Variants in MED1 observed in about 807,000 individuals in gnomAD.
MED1 encodes mediator of RNA polymerase II transcription subunit 1.
In MED1, 17 loss-of-function variants were observed where a neutral mutation model predicts 121.3. The observed-to-expected ratio is 0.14, with a 90% confidence interval of 0.10 to 0.21. The LOEUF (loss-of-function observed/expected upper bound fraction) is 0.21. Among genes scored for constraint, MED1 ranks in the 10% least tolerant of loss-of-function variants. The pLI is 1.00. For missense variants in MED1, 1,558 were observed against 1,919.4 expected (o/e 0.81, Z 3.52); for synonymous variants, 661 against 694.4 (o/e 0.95, Z 0.76).
At chr17:39,429,024 T>TA (rs965157171) in intron 9 of MED1, among the ~76,000 whole-genome samples, 54 of 141,508 alleles carry the variant, frequency 3.8e-4, no homozygotes, top group Middle Eastern at 3.6e-3. Flanking sequence ...ACAATTGATT[T>TA]AAAAAAAAAA....
At chr17:39,446,984 A>G (rs1212124404) in intron 2 of MED1, among the ~76,000 whole-genome samples, 1 of 152,138 alleles carries the variant, frequency 6.6e-6, no homozygotes, top group Non-Finnish European at 1.5e-5. Context: ...GGGCATACCT[A>G]ATCTGAAAAT....
At position 39,407,923 on chromosome 17, in the gene MED1, G is replaced by A; in HGVS notation, c.4298C>T (p.Ser1433Phe). ...PQMASSKNYG[S>F]PLISGSTPKH... The stretch of plus-strand genomic sequence containing the variant: ...TGGAGTGGAACCACTGATGAGTGGA[G>A]AGCCATAGTTTTTAGAAGAAGCCAT... The change falls in exon 17 of 17, where the codon TCT becomes TTT. Residue 1433 changes from serine to phenylalanine, a missense_variant. Ser to Phe is a radical substitution (Grantham distance 155). This residue lies in a region of MED1 where 264 missense variants were observed against 326.1 expected (regional missense o/e 0.81). Coordinates refer to ENST00000300651, the MANE Select transcript of MED1 (RefSeq NM_004774.4). 6.2e-7 allele frequency: 1 copy of A among 1,614,132 alleles called. No individual in the cohort carries two copies. Among genetic ancestry groups the A allele is most frequent in the Non-Finnish European group, 8.5e-7 (1 of 1,180,042 alleles).
intron 2 of MED1, among the ~76,000 whole-genome samples, chr17:39,446,392 G>A (rs905895938): frequency 3.9e-4 from 56 of 144,798 alleles, no homozygotes; most frequent in African/African-American, 1.4e-3. Flanking sequence ...AAAGCTTGCA[G>A]TGAGCCGAGA....
intron 14 of MED1, among the ~76,000 whole-genome samples, chr17:39,416,893 C>T (rs4795359): frequency 0.63 from 95,598 of 152,016 alleles, 32,808 homozygotes; most frequent in South Asian, 0.89. Flanking sequence ...TAAAATTTGA[C>T]TAGATGTAGA....
At chr17:39,445,421 A>C (rs2048717023) in intron 2 of MED1, 1 of 152,102 alleles carries the variant, frequency 6.6e-6, no homozygotes, top group Non-Finnish European at 1.5e-5. Flanking sequence ...CTTGTTGGTC[A>C]GCCTGGTCTC....
chr17:39,410,779 A>C (rs184389001), intron 16 of MED1, 58 bp from the exon 17 acceptor site: 1 of 1,529,464 alleles, frequency 6.5e-7, no homozygotes, highest in Admixed American at 2.1e-5. Flanking sequence ...ATGAGACCTG[A>C]GATTTAGATA....
Position 39,408,564 on chromosome 17 carries a change from A to G in MED1, c.3657T>C (p.Ser1219=), listed in dbSNP as rs1351828594. 6.2e-7 allele frequency: 1 copy of G among 1,614,226 alleles called. No individual in the cohort carries two copies. Among genetic ancestry groups the G allele is most frequent in the South Asian group, 1.1e-5 (1 of 91,086 alleles). ...CTGAACTGATAGGGGACTTGGCTTT[A>G]GAGGATGGAGGAGTTCCAGGAACAG... The part of the protein sequence containing the change: ...MKPVPGTPPS[S]KAKSPISSGS... The change falls in exon 17 of 17, where the codon TCT becomes TCC. Residue 1219 remains serine, a synonymous_variant. Transcript: ENST00000300651. This position sits in a 1 kb window ranked among gnomAD's most constrained non-coding sequence, Gnocchi z 4.7.
chr17:39,437,432 C>T (rs1405769265), intron 6 of MED1, among the ~76,000 whole-genome samples: 1 of 152,010 alleles, frequency 6.6e-6, no homozygotes, highest in Admixed American at 6.6e-5. Context: ...GATTTTGTGC[C>T]CCAGGGGACA....
At chr17:39,432,569 G>GA (rs1009387717) in intron 7 of MED1, among the ~76,000 whole-genome samples, 5 of 148,572 alleles carry the variant, frequency 3.4e-5, no homozygotes, top group South Asian at 4.3e-4. Flanking sequence ...GCAACACGGT[G>GA]AAACCCCGTC....
rs2048316694 is a variant in MED1, at chr17:39,407,762, G to A, written c.4459C>T (p.Arg1487Ter). Residue 1487 changes from arginine to a stop codon, truncating the protein, a stop_gained, in exon 17 of 17, where the codon CGA becomes TGA. Coordinates refer to ENST00000300651, the MANE Select transcript of MED1 (RefSeq NM_004774.4). LOFTEE classifies it high-confidence loss of function. ...QNSPSSDDGI[R>*]PLPEYSTEKH... ...TCTGTGCTGTATTCTGGAAGTGGTC[G>A]GATACCATCGTCTGAGCTGGGACTA... The A allele has an allele frequency of 6.2e-7, 1 of 1,613,930 alleles. No individual in the cohort carries two copies. The highest frequency in any genetic ancestry group is 8.5e-7 in the Non-Finnish European group (1 of 1,179,986).
intron 10 of MED1, among the ~76,000 whole-genome samples, chr17:39,424,952 T>C (rs2144740896): frequency 6.6e-6 from 1 of 152,254 alleles, no homozygotes; most frequent in South Asian, 2.1e-4. Flanking sequence ...CAATCTCAGC[T>C]CACTGCAAGC....
chr17:39,425,169 G>A (rs138641382), intron 10 of MED1, among the ~76,000 whole-genome samples: 1,751 of 152,166 alleles, frequency 0.012, 10 homozygotes, highest in Non-Finnish European at 0.018. Flanking sequence ...GGGATTACAG[G>A]TGTGAATCAC....
At chr17:39,417,550 A>C (rs994240623) in intron 14 of MED1, among the ~76,000 whole-genome samples, 3 of 151,938 alleles carry the variant, frequency 2.0e-5, no homozygotes, top group African/African-American at 4.8e-5. Flanking sequence ...AATGACGTGA[A>C]CTCAGGAGGC....
chr17:39,407,625 ACT>A lies in MED1; in HGVS notation c.4594_4595del (p.Ser1532LeufsTer17). 1 of 1,611,388 alleles carries A rather than the reference ACT, an allele frequency of 6.2e-7. No homozygotes were observed. Among genetic ancestry groups the A allele is most frequent in the Non-Finnish European group, 8.5e-7 (1 of 1,179,072 alleles). ...CTGAAGAGATGGGTGATTTGGACCA[ACT>A]CTCTGGCTTGATGCTATGAGATTTT... is the stretch of plus-strand genomic sequence containing the variant. ...KKKSHSIKPESWSKSPISSDQ... is the reference protein window; with the variant it reads ...KKKSHSIKPEXWSKSPISSDQ... On this transcript the variant is annotated frameshift_variant, in exon 17 of 17. Coordinates refer to ENST00000300651, the MANE Select transcript of MED1 (RefSeq NM_004774.4). LOFTEE classifies it high-confidence loss of function.
chr17:39,416,498 A>T (rs1175172043), intron 14 of MED1, among the ~76,000 whole-genome samples: 1 of 152,200 alleles, frequency 6.6e-6, no homozygotes, highest in African/African-American at 2.4e-5. Context: ...TGTAAAAAGC[A>T]TGCCTCTCTA....
intron 7 of MED1, among the ~76,000 whole-genome samples, chr17:39,432,865 G>A (rs975559027): frequency 4.6e-5 from 7 of 152,076 alleles, no homozygotes; most frequent in African/African-American, 1.7e-4. Context: ...AGGAGTTTGA[G>A]ACCAGCCTGA....
chr17:39,439,019 C>T (rs998486085), intron 6 of MED1, 146 bp downstream of exon 6: 37 of 679,468 alleles, frequency 5.4e-5, no homozygotes, highest in Non-Finnish European at 7.4e-5. Context: ...CAATTCAGGA[C>T]GTGATTAAGT....
rs1194899487 is a variant in MED1, at chr17:39,428,245, G to A, written c.650-455C>T. 2.0e-5 allele frequency among the ~76,000 whole-genome samples: 3 copies of A among 152,236 alleles called. No individual in the cohort carries two copies. The East Asian group carries it at 5.8e-4, about 29-fold the overall frequency. ...CATGCCTGTAATCCCACAACTTTGG[G>A]AGGCCAAGGCAGGCGGATCACAAGG... On this transcript the variant is annotated intron_variant, in intron 9 of 16. Coordinates refer to ENST00000300651, the MANE Select transcript of MED1 (RefSeq NM_004774.4).
In MED1 at chr17:39,406,018, A is replaced by G. The variant is rs1185290915; in HGVS notation, c.*1457T>C. 1.0e-6 allele frequency: 1 copy of G among 985,370 alleles called. No homozygotes were observed. Among genetic ancestry groups the G allele is most frequent in the Non-Finnish European group, 1.2e-6 (1 of 829,928 alleles). 61.0% of individuals were successfully genotyped at this position (985,370 alleles called of 1,614,324 possible). On this transcript the variant is annotated 3_prime_UTR_variant, in exon 17 of 17. Transcript: ENST00000300651. ...ATGGCACAGTGCAGGTGTCAATATC[A>G]AAGTAAGGCCGCAGAATTTTTGAGA...
Sources: gnomAD v4.1 joint callset for allele counts (sites outside exome capture counted in the v4.1 genomes callset) on GRCh38, gnomAD v4.1.1 for gene constraint, gnomAD v4.1.1 regional missense constraint, Gnocchi (gnomAD v3.1) non-coding constraint, MANE v1.5 for transcripts, NCBI Gene and HGNC (gene_info 2026-07-23, HGNC 2026-07-21) for gene names.